Variants in BORCS7 observed in about 807,000 individuals in gnomAD.
BORCS7 encodes BLOC-1-related complex subunit 7.
Under a neutral mutation model 17.5 loss-of-function variants are expected in BORCS7, and 20 were observed. That is an observed-to-expected ratio of 1.14 (90% confidence interval 0.80 to 1.66). BORCS7 has a LOEUF of 1.66. Ranked by LOEUF, BORCS7 falls within the 40% of genes most tolerant of loss-of-function variation. BORCS7 has a pLI of 0.00. For missense variants in BORCS7, 122 were observed against 129.7 expected (o/e 0.94, Z 0.29); for synonymous variants, 57 against 49.8 (o/e 1.14, Z -0.61).
At position 102,864,632 on chromosome 10, in the gene BORCS7, T is replaced by A. The variant is rs1844566674; in HGVS notation, c.*1708T>A. 6.6e-6 allele frequency: 1 copy of A among 152,104 alleles called. No homozygotes were observed. The highest frequency in any genetic ancestry group is 1.5e-5 in the Non-Finnish European group (1 of 67,978). The allele number at this position is 152,104 out of a possible 1,614,324, so 9.4% of individuals were successfully genotyped here. A position where few individuals can be genotyped will look rare whatever the true frequency, so the allele number is the denominator to read the frequency against. On this transcript the variant is annotated 3_prime_UTR_variant, in exon 5 of 5. Transcript: ENST00000339834. Reference sequence around the variant, plus strand: ...TAGTAAATATAAGATAAAATTTATATTAAATAATGAAAACGTATTTGTACT... The same window carrying A: ...TAGTAAATATAAGATAAAATTTATAATAAATAATGAAAACGTATTTGTACT...
intron 1 of BORCS7, among the ~76,000 whole-genome samples, chr10:102,855,806 G>A (rs1194524780): frequency 6.6e-6 from 1 of 152,168 alleles, no homozygotes; most frequent in African/African-American, 2.4e-5. Flanking sequence ...TGTCACCCAG[G>A]CTAAAGTGCA....
At chr10:102,861,949 T>C (rs1844528124) in intron 3 of BORCS7, among the ~76,000 whole-genome samples, 1 of 152,170 alleles carries the variant, frequency 6.6e-6, no homozygotes. Context: ...TGGGAGAATG[T>C]TACTATCTGT....
chr10:102,861,256 G>GATACA (rs982650172), intron 3 of BORCS7, among the ~76,000 whole-genome samples: 1 of 150,164 alleles, frequency 6.7e-6, no homozygotes. Context: ...CTCTACTAAA[G>GATACA]ATACAAAAAA....
intron 3 of BORCS7, among the ~76,000 whole-genome samples, chr10:102,861,275 G>A (rs1445293690): frequency 6.6e-6 from 1 of 151,960 alleles, no homozygotes; most frequent in Non-Finnish European, 1.5e-5. Flanking sequence ...AAGTAGCCGG[G>A]TGTGGTGGTG....
At chr10:102,857,447 A>G (rs1844445662) in intron 1 of BORCS7, among the ~76,000 whole-genome samples, 1 of 152,162 alleles carries the variant, frequency 6.6e-6, no homozygotes, top group African/African-American at 2.4e-5. Flanking sequence ...TAGCCACAGG[A>G]GGAACAGGTA....
At chr10:102,854,970 A>C (rs1844403093) in intron 1 of BORCS7, among the ~76,000 whole-genome samples, 1 of 147,080 alleles carries the variant, frequency 6.8e-6, no homozygotes, top group African/African-American at 2.5e-5. Context: ...ATTATATATA[A>C]TATATGTAAT....
At chr10:102,860,574 C>T in intron 3 of BORCS7, 33 bp downstream of exon 3, 3 of 1,597,914 alleles carry the variant, frequency 1.9e-6, no homozygotes, top group Non-Finnish European at 2.6e-6. Flanking sequence ...CTATTTGCTG[C>T]AGAATCATTA....
intron 1 of BORCS7, among the ~76,000 whole-genome samples, chr10:102,858,023 C>T (rs987336010): frequency 8.6e-5 from 13 of 151,636 alleles, no homozygotes; most frequent in East Asian, 1.9e-4. Flanking sequence ...AAACTATCTG[C>T]GCATGGTGGC....
At chr10:102,860,810 G>C (rs1004892938) in intron 3 of BORCS7, 1 of 563,650 alleles carries the variant, frequency 1.8e-6, no homozygotes, top group Non-Finnish European at 3.2e-6. Context: ...ACCCTGTAAA[G>C]GCAGGGCCCG....
At position 102,854,371 on chromosome 10, in the gene BORCS7, G is replaced by A; in HGVS notation, c.85G>A (p.Gly29Ser). The change falls in exon 1 of 5, where the codon GGT (glycine) becomes AGT (serine). Residue 29 changes from glycine (G) to serine (S), a missense_variant. By Grantham distance (56) the Gly-to-Ser change is moderately conservative. Transcript: ENST00000339834. ...GLLTEKVTTC[G>S]TDVIALTKQV... ...TCTCACGGAGAAGGTGACCACCTGT[G>A]GTACTGACGTAATCGCGCTCACCAA... 1 of 1,573,354 alleles carries A rather than the reference G, an allele frequency of 6.4e-7. No homozygotes were observed. Among genetic ancestry groups the A allele is most frequent in the Non-Finnish European group, 8.6e-7 (1 of 1,158,164 alleles).
intron 3 of BORCS7, among the ~76,000 whole-genome samples, chr10:102,861,636 G>A (rs1335029485): frequency 6.6e-6 from 1 of 151,996 alleles, no homozygotes; most frequent in Non-Finnish European, 1.5e-5. Flanking sequence ...AGAACTGCTT[G>A]AGCCCGGGAG....
At chr10:102,858,286 G>A (rs1002202384) in intron 1 of BORCS7, among the ~76,000 whole-genome samples, 2 of 151,888 alleles carry the variant, frequency 1.3e-5, no homozygotes, top group Non-Finnish European at 2.9e-5. Context: ...GTGGTATGGA[G>A]GAAAATAAAT....
intron 1 of BORCS7, among the ~76,000 whole-genome samples, chr10:102,855,582 A>G (rs940067167): frequency 2.0e-5 from 3 of 152,232 alleles, no homozygotes; most frequent in Non-Finnish European, 2.9e-5. Flanking sequence ...TGTGCCAGGA[A>G]CTGCTCTAGG....
At chr10:102,862,815 A>G in intron 4 of BORCS7, 58 bp from the exon 5 acceptor site, 2 of 1,495,860 alleles carry the variant, frequency 1.3e-6, no homozygotes, top group Non-Finnish European at 1.9e-6. Flanking sequence ...ATAGTTGTAC[A>G]AAGATGTCTT....
intron 4 of BORCS7, 140 bp from the exon 5 acceptor site, chr10:102,862,733 G>A (rs1844539811): frequency 2.9e-6 from 2 of 692,722 alleles, no homozygotes; most frequent in Non-Finnish European, 4.9e-6. Context: ...AGGATTGCTT[G>A]AGCCCAGAGT....
At chr10:102,860,613 C>A in intron 3 of BORCS7, 72 bp downstream of exon 3, 1 of 1,529,586 alleles carries the variant, frequency 6.5e-7, no homozygotes, top group Non-Finnish European at 9.0e-7. Context: ...GGACTTTGTG[C>A]TTCAGCACTT....
At chr10:102,858,907 A>G (rs1404988947) in intron 1 of BORCS7, among the ~76,000 whole-genome samples, 1 of 152,010 alleles carries the variant, frequency 6.6e-6, no homozygotes, top group Non-Finnish European at 1.5e-5. Context: ...CCGGTAGGAT[A>G]CACATAACAG....
chr10:102,856,528 T>G (rs190533073), intron 1 of BORCS7, among the ~76,000 whole-genome samples: 1 of 152,342 alleles, frequency 6.6e-6, no homozygotes, highest in African/African-American at 2.4e-5. Flanking sequence ...GCTATTGCTA[T>G]GAAAACTAAG....
intron 1 of BORCS7, among the ~76,000 whole-genome samples, chr10:102,855,173 T>G (rs1342502468): frequency 6.7e-6 from 1 of 148,746 alleles, no homozygotes; most frequent in Non-Finnish European, 1.5e-5. Context: ...TTTTTTTTTT[T>G]TTTTGAGACG....
Sources: allele counts gnomAD v4.1 joint callset (sites outside exome capture counted in the v4.1 genomes callset), GRCh38; gene constraint gnomAD v4.1.1; transcripts MANE v1.5; gene names NCBI Gene and HGNC (gene_info 2026-07-23, HGNC 2026-07-21).